Variants in EGFLAM observed in about 807,000 individuals in gnomAD.
The protein encoded by EGFLAM is EGF like, fibronectin type III and laminin G domains.
In EGFLAM, 79 loss-of-function variants were observed where a neutral mutation model predicts 113.1. The observed-to-expected ratio is 0.70, with a 90% CI of 0.58 to 0.84. The LOEUF (loss-of-function observed/expected upper bound fraction) is 0.84. Ranked by LOEUF, EGFLAM falls within the 40% of genes least tolerant of loss-of-function variation. EGFLAM has a pLI of 0.00. For missense variants in EGFLAM, 1,265 were observed against 1,291.6 expected, an observed-to-expected ratio of 0.98 and a Z score of 0.32; for synonymous variants, 504 against 487.6, an observed-to-expected ratio of 1.03 and a Z score of -0.44.
chr5:38,406,901 A>C lies in EGFLAM; in HGVS notation c.902A>C (p.Asn301Thr), dbSNP rs1561072899. The C allele has an allele frequency of 6.2e-7, 1 of 1,614,200 alleles. No individual in the cohort carries two copies. The highest frequency in any genetic ancestry group is 1.7e-5 in the Admixed American group (1 of 60,022). ...LVESKKMSIS[N>T]PKTISRLIPP... ...GAAAGCAAGAAGATGTCTATATCTA[A>C]CCCAAAGACCATTTCTAGGCTCATC... is the stretch of plus-strand genomic sequence containing the variant. Residue 301 changes from asparagine to threonine, a missense_variant, in exon 8 of 22, where the codon AAC (asparagine) becomes ACC (threonine). Transcript: ENST00000322350.
chr5:38,424,281 G>A (rs1458544480), intron 12 of EGFLAM, among the ~76,000 whole-genome samples: 3 of 152,210 alleles, frequency 2.0e-5, no homozygotes, highest in Non-Finnish European at 4.4e-5. Flanking sequence ...GTTTGGTGAA[G>A]AGAACTCACT....
chr5:38,339,284 ATTTTC>A (rs1739272346), intron 3 of EGFLAM, among the ~76,000 whole-genome samples: 1 of 151,002 alleles, frequency 6.6e-6, no homozygotes, highest in African/African-American at 2.4e-5. Context: ...GTCCTCATCT[ATTTTC>A]TTTTCTGTTT....
chr5:38,463,849 G>C lies in EGFLAM; in HGVS notation c.2893G>C (p.Ala965Pro), dbSNP rs374051997. The change falls in exon 22 of 22, where the codon GCT becomes CCT. Residue 965 changes from alanine to proline, a missense_variant. Coordinates refer to ENST00000322350, the MANE Select transcript of EGFLAM (RefSeq NM_152403.4). ...CCTGGCAGGTGGAATGAAGGAAATT[G>C]CTCTGCACACTAACAGGCAATATAT... is the stretch of plus-strand genomic sequence containing the variant. ...ALYVGGMKEI[A>P]LHTNRQYMRG... The C allele has an allele frequency of 6.2e-5, 100 of 1,613,702 alleles. No individual in the cohort carries two copies. Among genetic ancestry groups the C allele is most frequent in the Non-Finnish European group, 3.4e-6 (4 of 1,179,972 alleles).
chr5:38,407,154 C>A lies in EGFLAM; in HGVS notation c.1147+8C>A. On this transcript the variant is annotated splice_region_variant and intron_variant, in intron 8 of 21. Transcript: ENST00000322350. ...GTGAGAGCTGCTCAGAAGGTAGGCC[C>A]TTGGGGGAGAGGAAGAAGTGGTGAT... The A allele has an allele frequency of 6.3e-7, 1 of 1,583,644 alleles. No individual in the cohort carries two copies. Among genetic ancestry groups the A allele is most frequent in the Non-Finnish European group, 8.5e-7 (1 of 1,173,970 alleles).
At position 38,412,578 on chromosome 5, in the gene EGFLAM, T is replaced by G; in HGVS notation, c.1424T>G (p.Met475Arg). ...AAACTAGGGGGTTGGCACACGGTTA[T>G]GCTCTACAGAGATGGGCTGAACGGG... ...KIKLGGWHTV[M>R]LYRDGLNGLL... The change falls in exon 11 of 22, where the codon ATG becomes AGG. Residue 475 changes from methionine (M) to arginine (R), a missense_variant. Coordinates refer to ENST00000322350, the MANE Select transcript of EGFLAM (RefSeq NM_152403.4). 6.2e-7 allele frequency: 1 copy of G among 1,614,194 alleles called. No individual in the cohort carries two copies. The highest frequency in any genetic ancestry group is 2.2e-5 in the East Asian group (1 of 44,886).
At chr5:38,352,057 T>G (rs1247784589) in intron 4 of EGFLAM, 139 bp from the exon 5 acceptor site, 1 of 1,150,236 alleles carries the variant, frequency 8.7e-7, no homozygotes, top group Non-Finnish European at 1.2e-6. Flanking sequence ...CAGAGATATT[T>G]TGGGTATAGG....
At chr5:38,396,761 C>T (rs1740971809) in intron 6 of EGFLAM, among the ~76,000 whole-genome samples, 1 of 152,228 alleles carries the variant, frequency 6.6e-6, no homozygotes, top group South Asian at 2.1e-4. Context: ...TTCTCACACA[C>T]CATGATGGAA....
intron 1 of EGFLAM, among the ~76,000 whole-genome samples, chr5:38,293,539 AT>A (rs1316169218): frequency 6.6e-6 from 1 of 152,226 alleles, no homozygotes; most frequent in Non-Finnish European, 1.5e-5. Flanking sequence ...ATAAACAGTT[AT>A]CCACACACAC....
intron 19 of EGFLAM, among the ~76,000 whole-genome samples, chr5:38,457,226 AT>A (rs887363737): frequency 6.6e-6 from 1 of 151,960 alleles, no homozygotes; most frequent in African/African-American, 2.4e-5. Context: ...TGCAATGTTC[AT>A]TTTTTTTTAA....
intron 1 of EGFLAM, among the ~76,000 whole-genome samples, chr5:38,289,103 A>G (rs1460885464): frequency 1.3e-5 from 2 of 152,146 alleles, no homozygotes; most frequent in Non-Finnish European, 2.9e-5. Context: ...CTCAGGTCTC[A>G]TAGCAAACCA....
Position 38,427,112 on chromosome 5 carries a change from G to A in EGFLAM, c.1914G>A (p.Glu638=). 6.2e-7 allele frequency: 1 copy of A among 1,614,100 alleles called. No homozygotes were observed. The highest frequency in any genetic ancestry group is 8.5e-7 in the Non-Finnish European group (1 of 1,180,032). The part of the protein sequence containing the change: ...PQHYLSFMEF[E]ITFRPDSGDG... ...ATTACCTTTCCTTCATGGAATTTGA[G>A]ATCACATTTCGGCCAGACTCAGGAG... The change falls in exon 14 of 22, where the codon GAG becomes GAA. Residue 638 remains glutamate, a synonymous_variant. Coordinates refer to ENST00000322350, the MANE Select transcript of EGFLAM (RefSeq NM_152403.4).
rs1757411428 is a variant in EGFLAM at position 38,258,642 on chromosome 5, C to T, written c.-113C>T. The T allele has an allele frequency of 1.6e-6, 2 of 1,253,090 alleles. No homozygotes were observed. The highest frequency in any genetic ancestry group is 2.3e-6 in the Non-Finnish European group (2 of 879,116). 77.6% of individuals were successfully genotyped at this position (1,253,090 alleles called of 1,614,324 possible). Reference sequence around the variant, plus strand: ...GGGCCCAGCCCTCGCAGCCCCCCACCTCCTCGCCCCGGCCCGGGGATCCGT... The same window carrying T: ...GGGCCCAGCCCTCGCAGCCCCCCACTTCCTCGCCCCGGCCCGGGGATCCGT... On this transcript the variant is annotated 5_prime_UTR_variant, in exon 1 of 22. Coordinates refer to ENST00000322350, the MANE Select transcript of EGFLAM (RefSeq NM_152403.4).
At chr5:38,443,753 C>G (rs750283455) in intron 17 of EGFLAM, among the ~76,000 whole-genome samples, 1 of 150,682 alleles carries the variant, frequency 6.6e-6, no homozygotes, top group South Asian at 2.1e-4. Context: ...GGAAAGAAAC[C>G]GTGGTCCCTT....
intron 6 of EGFLAM, among the ~76,000 whole-genome samples, chr5:38,393,825 C>T (rs1413021740): frequency 1.3e-5 from 2 of 152,218 alleles, no homozygotes; most frequent in Non-Finnish European, 2.9e-5. Flanking sequence ...CAATAGCCAA[C>T]CAGCTTAGTA....
At chr5:38,449,038 C>T (rs943163323) in intron 18 of EGFLAM, among the ~76,000 whole-genome samples, 1 of 152,220 alleles carries the variant, frequency 6.6e-6, no homozygotes, top group African/African-American at 2.4e-5. Context: ...TTGGAATAGC[C>T]TTTGACATGG....
At chr5:38,282,813 T>C (rs2017099) in intron 1 of EGFLAM, among the ~76,000 whole-genome samples, 1,543 of 152,282 alleles carry the variant, frequency 0.01, 26 homozygotes, top group African/African-American at 0.035. Flanking sequence ...CCAGTTCTCA[T>C]TCCCAACCTG....
intron 17 of EGFLAM, among the ~76,000 whole-genome samples, chr5:38,446,846 G>A (rs376176528): frequency 4.2e-4 from 63 of 151,112 alleles, no homozygotes; most frequent in African/African-American, 1.5e-3. Context: ...TGCTGTTTCC[G>A]CTCTTTTTTT....
intron 19 of EGFLAM, among the ~76,000 whole-genome samples, chr5:38,456,640 G>A (rs1049373728): frequency 4.6e-5 from 7 of 152,232 alleles, no homozygotes; most frequent in African/African-American, 7.2e-5. Context: ...TGAGTTCTTC[G>A]AGCCTCCATT....
intron 6 of EGFLAM, among the ~76,000 whole-genome samples, chr5:38,373,634 A>G (rs748011860): frequency 6.6e-6 from 1 of 152,194 alleles, no homozygotes; most frequent in Non-Finnish European, 1.5e-5. Flanking sequence ...TAGTGTATAT[A>G]TACCACATTT....
Sources: allele counts gnomAD v4.1 joint callset (sites outside exome capture counted in the v4.1 genomes callset), GRCh38; gene constraint gnomAD v4.1.1; transcripts MANE v1.5; gene names NCBI Gene and HGNC (gene_info 2026-07-23, HGNC 2026-07-21).